RUFY4: variants seen among roughly 807,000 people sequenced by gnomAD.
RUFY4 encodes RUN and FYVE domain-containing protein 4.
Under a neutral mutation model 69.0 loss-of-function variants are expected in RUFY4, and 73 were observed. The observed-to-expected ratio is 1.06, with a 90% confidence interval of 0.88 to 1.29. The LOEUF is 1.29. RUFY4 is among the 50% of genes most tolerant of loss of function. RUFY4 has a pLI of 0.00. For synonymous variants in RUFY4, 287 were observed against 271.8 expected (o/e 1.06, Z -0.55); for missense variants, 770 against 705.6 (o/e 1.09, Z -1.03).
chr2:218,045,883 C>T (rs1055975841), intron 2 of RUFY4, among the ~76,000 whole-genome samples: 2 of 151,758 alleles, frequency 1.3e-5, no homozygotes, highest in African/African-American at 2.4e-5. Context: ...CGGCTCACTG[C>T]AAGCTCCGCC....
upstream of RUFY4, among the ~76,000 whole-genome samples, chr2:218,065,013 G>A (rs1473745030): frequency 1.3e-5 from 2 of 152,162 alleles, no homozygotes; most frequent in African/African-American, 4.8e-5. Context: ...CCTAGCGCAA[G>A]TTCTGGATTG....
At chr2:218,043,978 A>C (rs1198899068) in intron 2 of RUFY4, among the ~76,000 whole-genome samples, 1 of 152,210 alleles carries the variant, frequency 6.6e-6, no homozygotes, top group East Asian at 1.9e-4. Context: ...CTGAGTGTGC[A>C]CCCACCCAGC....
At chr2:218,061,929 C>A (rs557916370) in intron 3 of RUFY4, among the ~76,000 whole-genome samples, 8 of 152,118 alleles carry the variant, frequency 5.3e-5, no homozygotes, top group African/African-American at 4.8e-5. Context: ...CTTTGTGCAC[C>A]CTTCTGAAAG....
chr2:218,040,043 T>A (rs1959039992), intron 2 of RUFY4, among the ~76,000 whole-genome samples: 1 of 152,194 alleles, frequency 6.6e-6, no homozygotes, highest in South Asian at 2.1e-4. Context: ...CCTTCCCCCT[T>A]TATTCTTATC....
At chr2:218,060,314 C>G in intron 3 of RUFY4, 1 of 1,509,202 alleles carries the variant, frequency 6.6e-7, no homozygotes. Flanking sequence ...AGGAACCCCA[C>G]GGGACTGCAC....
intron 2 of RUFY4, among the ~76,000 whole-genome samples, chr2:218,043,757 T>G (rs1257218358): frequency 6.6e-6 from 1 of 152,162 alleles, no homozygotes; most frequent in Non-Finnish European, 1.5e-5. Flanking sequence ...ACTTTGAAGG[T>G]GGGGCTTCGC....
At chr2:218,038,918 C>A (rs1320955238) in intron 2 of RUFY4, among the ~76,000 whole-genome samples, 2 of 152,136 alleles carry the variant, frequency 1.3e-5, no homozygotes, top group African/African-American at 4.8e-5. Context: ...GAGCTTGCAG[C>A]AGTCTTCTCC....
intron 2 of RUFY4, among the ~76,000 whole-genome samples, chr2:218,057,149 A>G: frequency 6.6e-6 from 1 of 152,002 alleles, no homozygotes; most frequent in East Asian, 1.9e-4. Flanking sequence ...GAGCTTGTCA[A>G]CTCCCAAAAA....
rs1426568084 is a variant in RUFY4 at position 218,059,726 on chromosome 2, A to ATGAACATT, written c.-1071+1048_-1071+1055dup. 3.0e-5 allele frequency: 5 copies of ATGAACATT among 166,906 alleles called. No homozygotes were observed. In the East Asian group the frequency reaches 7.7e-4, roughly 26 times the overall value. 10.3% of individuals were successfully genotyped at this position (166,906 alleles called of 1,614,324 possible). ...TAGCCATTCATTCATTCATTCATTG[A>ATGAACATT]TGAACATTTGGGTTGTTTCTGCCTT... On this transcript the variant is annotated intron_variant and NMD_transcript_variant, in intron 3 of 13. Coordinates refer to the RUFY4 transcript ENST00000457754.
At chr2:218,089,123 C>T (rs2106078752) in intron 9 of RUFY4, 129 bp from the exon 12 acceptor site, 1 of 689,156 alleles carries the variant, frequency 1.5e-6, no homozygotes, top group East Asian at 2.7e-5. Flanking sequence ...CCATCACCCT[C>T]TCTGTCTCTC....
intron 3 of RUFY4, 92 bp downstream of exon 5, chr2:218,072,591 C>A (rs1689515235): frequency 6.8e-7 from 1 of 1,476,216 alleles, no homozygotes; most frequent in Non-Finnish European, 9.0e-7. Context: ...GACCATAGAC[C>A]CCTCACCTGC....
At chr2:218,053,630 C>T (rs545456189) in intron 2 of RUFY4, among the ~76,000 whole-genome samples, 8 of 152,334 alleles carry the variant, frequency 5.3e-5, no homozygotes, top group African/African-American at 1.9e-4. Context: ...CTGCCTCAGC[C>T]TCCCGGGTAA....
chr2:218,059,363 T>C (rs1689132212), intron 3 of RUFY4: 1 of 164,798 alleles, frequency 6.1e-6, no homozygotes. Context: ...CTACTGTTTA[T>C]CTTTACAACT....
intron 9 of RUFY4, among the ~76,000 whole-genome samples, chr2:218,085,597 T>C (rs1056898402): frequency 6.6e-6 from 1 of 152,170 alleles, no homozygotes; most frequent in Admixed American, 6.5e-5. Context: ...TTTTGTAGGA[T>C]CCAGAGATCC....
intron 3 of RUFY4, chr2:218,059,391 A>G (rs890629839): frequency 6.6e-5 from 11 of 165,824 alleles, no homozygotes; most frequent in African/African-American, 2.7e-4. Context: ...CATCCCAAAC[A>G]TAAACTCTGT....
At chr2:218,079,113 C>T (rs906120790) in intron 8 of RUFY4, among the ~76,000 whole-genome samples, 1 of 152,206 alleles carries the variant, frequency 6.6e-6, no homozygotes, top group African/African-American at 2.4e-5. Flanking sequence ...AGGTGATCCA[C>T]CCACCTTAGC....
At chr2:218,072,752 C>T in intron 3 of RUFY4, 27 bp from the exon 6 acceptor site, 2 of 1,470,228 alleles carry the variant, frequency 1.4e-6, no homozygotes, top group Non-Finnish European at 1.8e-6. Context: ...AATACTGCTC[C>T]CCATTCTGCC....
intron 2 of RUFY4, among the ~76,000 whole-genome samples, chr2:218,052,106 C>T (rs1261699927): frequency 6.6e-6 from 1 of 152,176 alleles, no homozygotes; most frequent in East Asian, 1.9e-4. Context: ...TACGTCACTG[C>T]CTCCTGCTCT....
At chr2:218,039,040 G>A (rs1333283308) in intron 2 of RUFY4, among the ~76,000 whole-genome samples, 1 of 152,142 alleles carries the variant, frequency 6.6e-6, no homozygotes, top group Non-Finnish European at 1.5e-5. Flanking sequence ...TCCAATGGAG[G>A]TTCTATCGGT....
Sources: allele counts gnomAD v4.1 joint callset (sites outside exome capture counted in the v4.1 genomes callset), GRCh38; gene constraint gnomAD v4.1.1; transcripts MANE v1.5; gene names NCBI Gene and HGNC (gene_info 2026-07-23, HGNC 2026-07-21).